Variants in PRDM16 observed in about 807,000 individuals in gnomAD.
PRDM16 encodes histone-lysine N-methyltransferase PRDM16.
In PRDM16, 23 loss-of-function variants were observed where a neutral mutation model predicts 110.6. That is an observed-to-expected ratio of 0.21 (90% confidence interval 0.15 to 0.29). The LOEUF (loss-of-function observed/expected upper bound fraction) is 0.29. Ranked by LOEUF, PRDM16 falls within the 10% of genes least tolerant of loss-of-function variation. The pLI, the probability that PRDM16 is intolerant of heterozygous loss-of-function variation, is 1.00. For missense variants in PRDM16, 1,615 were observed against 1,794.3 expected (o/e 0.90, Z 1.81); for synonymous variants, 799 against 781.8 (o/e 1.02, Z -0.37).
At chr1:3,217,034 G>A (rs1335653006) in intron 2 of PRDM16, among the ~76,000 whole-genome samples, 1 of 152,256 alleles carries the variant, frequency 6.6e-6, no homozygotes, top group East Asian at 1.9e-4. Flanking sequence ...GGGCAGCAGG[G>A]GAAACGGCAC....
chr1:3,269,641 G>A (rs114834322), intron 3 of PRDM16, among the ~76,000 whole-genome samples: 5,956 of 116,086 alleles, frequency 0.051, 280 homozygotes, highest in African/African-American at 0.18. Context: ...GCACAGTCCC[G>A]GAGGAGGACA....
In PRDM16 at chr1:3,159,372, CAA is replaced by C. The variant is rs1279870841; in HGVS notation, c.38-26751_38-26750del. On this transcript the variant is annotated intron_variant, in intron 1 of 16. Coordinates refer to ENST00000270722, the MANE Select transcript of PRDM16 (RefSeq NM_022114.4). Reference sequence around the variant, plus strand: ...CTCCACCATCTGGAGGTGGGAGGCCCAAAGACACAGTATCAGCAGGCTGGCTC... The same window carrying C: ...CTCCACCATCTGGAGGTGGGAGGCCCAGACACAGTATCAGCAGGCTGGCTC... Among the ~76,000 whole-genome samples, 4 of 152,326 alleles carry C rather than the reference CAA, an allele frequency of 2.6e-5. No individual in the cohort carries two copies. The East Asian group carries it at 5.8e-4, about 22-fold the overall frequency.
At chr1:3,196,737 G>C (rs1439094844) in intron 2 of PRDM16, among the ~76,000 whole-genome samples, 1 of 152,228 alleles carries the variant, frequency 6.6e-6, no homozygotes, top group East Asian at 1.9e-4. Context: ...ATCATTGTGG[G>C]GCACTTGGAG....
At chr1:3,110,542 C>T (rs1343610901) in intron 1 of PRDM16, among the ~76,000 whole-genome samples, 7 of 151,900 alleles carry the variant, frequency 4.6e-5, no homozygotes, top group Non-Finnish European at 8.8e-5. Flanking sequence ...AGGGGCTCCC[C>T]CATGTCCTGG....
intron 1 of PRDM16, among the ~76,000 whole-genome samples, chr1:3,109,806 G>C (rs547099636): frequency 1.3e-5 from 2 of 152,372 alleles, no homozygotes; most frequent in African/African-American, 4.8e-5. Context: ...CCCATGGAGA[G>C]AATGGATGAG....
At chr1:3,415,413 T>C (rs988612806) in intron 10 of PRDM16, among the ~76,000 whole-genome samples, 1 of 152,242 alleles carries the variant, frequency 6.6e-6, no homozygotes, top group African/African-American at 2.4e-5. Flanking sequence ...CGGGGCATTG[T>C]TCTCTTTCTC....
intron 1 of PRDM16, among the ~76,000 whole-genome samples, chr1:3,159,651 C>T (rs940748346): frequency 1.3e-5 from 2 of 152,224 alleles, no homozygotes; most frequent in Non-Finnish European, 2.9e-5. Context: ...ACAGTCAGCC[C>T]ACACGGGTGG....
rs1643176329 is a variant in PRDM16 at position 3,385,244 on chromosome 1, C to T, written c.531C>T (p.Ser177=). ...TCAAGTACATCCGTGTGGCGTGCTC[C>T]TGCGATGACCAGAACCTCACCATGT... ...SWLKYIRVAC[S]CDDQNLTMCQ... is the part of the protein sequence containing the mutation. Residue 177 remains serine (S), a synonymous_variant, in exon 4 of 17, where the codon TCC becomes TCT. Coordinates refer to ENST00000270722, the MANE Select transcript of PRDM16 (RefSeq NM_022114.4). 6.2e-7 allele frequency: 1 copy of T among 1,613,596 alleles called. No homozygotes were observed. Among genetic ancestry groups the T allele is most frequent in the African/African-American group, 1.3e-5 (1 of 74,934 alleles).
chr1:3,385,279 G>T lies in PRDM16; in HGVS notation c.566G>T (p.Ser189Ile). ...DDQNLTMCQI[S>I]EQIYYKVIKD... The stretch of plus-strand genomic sequence containing the variant: ...CAGAACCTCACCATGTGTCAGATCA[G>T]TGAGCAGGTAGGTCCGGGCTCATAA... The change falls in exon 4 of 17, where the codon AGT becomes ATT. Residue 189 changes from serine (S) to isoleucine (I), a missense_variant. By Grantham distance (142) the Ser-to-Ile change is moderately radical. Around this residue, in one of 5 missense-constraint regions of PRDM16, gnomAD observed 416 missense variants for 467.1 expected, o/e 0.89. Transcript: ENST00000270722. The T allele has an allele frequency of 6.2e-7, 1 of 1,613,700 alleles. No homozygotes were observed. The highest frequency in any genetic ancestry group is 8.5e-7 in the Non-Finnish European group (1 of 1,180,000).
In PRDM16 at chr1:3,425,547, G is replaced by A. The variant is rs375537397; in HGVS notation, c.2940-34G>A. 694 of 1,608,464 alleles carry A rather than the reference G, an allele frequency of 4.3e-4. No individual in the cohort carries two copies. The highest frequency in any genetic ancestry group is 5.6e-4 in the Non-Finnish European group (658 of 1,176,970). On this transcript the variant is annotated intron_variant, in intron 12 of 16. Transcript: ENST00000270722. The surrounding 1 kb of genome is among the most constrained non-coding windows in gnomAD (Gnocchi z 6.9). ...GGCCCGGCCTGCCATGCAGAGCCGG[G>A]GCCTGCACTGAGGAGCGCGTGTGCC...
At position 3,140,474 on chromosome 1, in the gene PRDM16, G is replaced by A. The variant is rs1001892169; in HGVS notation, c.38-45651G>A. Reference sequence around the variant, plus strand: ...CCAAGCTCTCTGACCCCCACCCCTCGCCTGTCTCTGCAGAGAACCGGCCCC... The same window carrying A: ...CCAAGCTCTCTGACCCCCACCCCTCACCTGTCTCTGCAGAGAACCGGCCCC... On this transcript the variant is annotated intron_variant, in intron 1 of 16. Coordinates refer to ENST00000270722, the MANE Select transcript of PRDM16 (RefSeq NM_022114.4). Among the ~76,000 whole-genome samples the A allele has an allele frequency of 2.0e-5, 3 of 151,974 alleles. No individual in the cohort carries two copies. In the East Asian group the frequency reaches 5.8e-4, roughly 29 times the overall value.
rs1345694986 is a variant in PRDM16 at position 3,430,818 on chromosome 1, A to C, written c.3285-54A>C. On this transcript the variant is annotated intron_variant, in intron 14 of 16. Transcript: ENST00000270722. Reference sequence around the variant, plus strand: ...CGGAGTCACCAGCCTTTGGGGGTCCATGGGAAGGACAGAGACACCCAAACT... The same window carrying C: ...CGGAGTCACCAGCCTTTGGGGGTCCCTGGGAAGGACAGAGACACCCAAACT... 5.0e-6 allele frequency: 8 copies of C among 1,595,308 alleles called. No individual in the cohort carries two copies. In the East Asian group the frequency reaches 9.0e-5, roughly 18 times the overall value.
intron 3 of PRDM16, among the ~76,000 whole-genome samples, chr1:3,260,437 C>T (rs1640133612): frequency 6.6e-6 from 1 of 152,134 alleles, no homozygotes; most frequent in African/African-American, 2.4e-5. Context: ...CTACTGACAC[C>T]TTAATTTCTT....
intron 3 of PRDM16, among the ~76,000 whole-genome samples, chr1:3,348,159 C>A (rs1642399724): frequency 6.6e-6 from 1 of 152,200 alleles, no homozygotes; most frequent in Non-Finnish European, 1.5e-5. Flanking sequence ...ACGTCCCAGC[C>A]TGGGGGGTCT....
intron 2 of PRDM16, among the ~76,000 whole-genome samples, chr1:3,234,989 G>T (rs1474606523): frequency 6.6e-6 from 1 of 152,188 alleles, no homozygotes; most frequent in Non-Finnish European, 1.5e-5. Context: ...AGTGTGAGTG[G>T]GTTGGGTCAA....
chr1:3,178,912 C>T (rs931560294), intron 1 of PRDM16, among the ~76,000 whole-genome samples: 1 of 152,214 alleles, frequency 6.6e-6, no homozygotes, highest in African/African-American at 2.4e-5. Flanking sequence ...CTGAAACCCA[C>T]AGCCGGGTCC....
chr1:3,297,473 G>A (rs1490203786), intron 3 of PRDM16, among the ~76,000 whole-genome samples: 2 of 151,958 alleles, frequency 1.3e-5, no homozygotes, highest in East Asian at 1.9e-4. Flanking sequence ...TAGTAGAGAC[G>A]GGGTTTTGCC....
Position 3,206,431 on chromosome 1 carries a change from G to C in PRDM16, c.387+19957G>C, listed in dbSNP as rs533487855. On this transcript the variant is annotated intron_variant, in intron 2 of 16. Coordinates refer to ENST00000270722, the MANE Select transcript of PRDM16 (RefSeq NM_022114.4). The surrounding 1 kb of genome is among the most constrained non-coding windows in gnomAD (Gnocchi z 4.9). ...CGTGACCTCCAGGCAGCTCCGAGAC[G>C]GGAAGTGATTGGAGTGTAGGCGTGA... The C allele has an allele frequency of 6.6e-6, 1 of 152,266 alleles. No homozygotes were observed. The highest frequency in any genetic ancestry group is 1.5e-5 in the Non-Finnish European group (1 of 68,068). The allele number at this position is 152,266 out of a possible 1,614,324, so 9.4% of individuals were successfully genotyped here. A position where few individuals can be genotyped will look rare whatever the true frequency, so the allele number is the denominator to read the frequency against.
chr1:3,385,103 T>C, intron 3 of PRDM16, 49 bp from the exon 4 acceptor site: 1 of 1,606,504 alleles, frequency 6.2e-7, no homozygotes. Flanking sequence ...GTGTGCAGAC[T>C]CCAGCACACA....
Sources: allele counts gnomAD v4.1 joint callset (sites outside exome capture counted in the v4.1 genomes callset), GRCh38; gene constraint gnomAD v4.1.1; regional missense constraint gnomAD v4.1.1; non-coding constraint Gnocchi (gnomAD v3.1); transcripts MANE v1.5; gene names NCBI Gene and HGNC (gene_info 2026-07-23, HGNC 2026-07-21).